ASPH: variants seen among roughly 807,000 people sequenced by gnomAD.
ASPH encodes aspartyl/asparaginyl beta-hydroxylase.
Under a neutral mutation model 118.4 loss-of-function variants are expected in ASPH, and 100 were observed. The ratio of observed to expected loss-of-function variants is 0.84; its 90% CI spans 0.72 to 1.00. The LOEUF is 1.00. Among genes scored for constraint, ASPH ranks in the 50% least tolerant of loss-of-function variants. ASPH has a pLI of 0.00. For synonymous variants in ASPH, 315 were observed against 325.6 expected (o/e 0.97, Z 0.35); for missense variants, 920 against 919.5 (o/e 1.00, Z -0.01).
chr8:61,642,845 CAAAAAAAAAAAGAAA>C (rs753504802), intron 10 of ASPH, 28 bp downstream of exon 10: 107 of 873,880 alleles, frequency 1.2e-4, no homozygotes, highest in Middle Eastern at 1.2e-3. Flanking sequence ...AACTCCATCT[CAAAAAAAAAAAGAAA>C]AAAAAAAAAA....
chr8:61,567,256 G>C lies in ASPH; in HGVS notation c.1212C>G (p.Thr404=), dbSNP rs143442630. 1 of 1,613,992 alleles carries C rather than the reference G, an allele frequency of 6.2e-7. No homozygotes were observed. Among genetic ancestry groups the C allele is most frequent in the Non-Finnish European group, 8.5e-7 (1 of 1,180,026 alleles). The change falls in exon 17 of 25, where the codon ACC becomes ACG. Residue 404 remains threonine (T), a synonymous_variant. Coordinates refer to ENST00000379454, the MANE Select transcript of ASPH (RefSeq NM_004318.4). ...SNEVLRGAIE[T]YQEVASLPDV... ...CAGGTAGGCTGGCCACCTCTTGGTA[G>C]GTCTCGATGGCTCCACGTAGCACCT...
chr8:61,502,827 TAAG>T lies in ASPH; in HGVS notation c.*529_*531del, dbSNP rs1805171760. 6.6e-6 allele frequency: 1 copy of T among 152,346 alleles called. No individual in the cohort carries two copies. The highest frequency in any genetic ancestry group is 6.5e-5 in the Admixed American group (1 of 15,300). 9.4% of individuals were successfully genotyped at this position (152,346 alleles called of 1,614,324 possible). A position where few individuals can be genotyped will look rare whatever the true frequency, so the allele number is the denominator to read the frequency against. ...TGCTTTTTTCATGAGTATCTTTTAC[TAAG>T]AAGAATTAAAAGAGGGAAGTCTGAG... On this transcript the variant is annotated 3_prime_UTR_variant, in exon 25 of 25. Transcript: ENST00000379454.
At chr8:61,526,814 C>T (rs978910309) in intron 21 of ASPH, among the ~76,000 whole-genome samples, 1 of 151,904 alleles carries the variant, frequency 6.6e-6, no homozygotes, top group African/African-American at 2.4e-5. Flanking sequence ...CAATCTGCAC[C>T]ATCACACTGG....
chr8:61,509,311 C>T (rs1292751667), intron 24 of ASPH, among the ~76,000 whole-genome samples: 1 of 152,202 alleles, frequency 6.6e-6, no homozygotes, highest in Non-Finnish European at 1.5e-5. Context: ...ATGGCTACTC[C>T]ATAGGCTGCT....
At chr8:61,705,901 A>C (rs1178546700) in intron 1 of ASPH, among the ~76,000 whole-genome samples, 1 of 152,260 alleles carries the variant, frequency 6.6e-6, no homozygotes, top group Non-Finnish European at 1.5e-5. Flanking sequence ...TGACTAATAG[A>C]CATGACAAAG....
chr8:61,626,076 A>C, intron 13 of ASPH: 2 of 1,243,672 alleles, frequency 1.6e-6, no homozygotes, highest in Non-Finnish European at 2.0e-6. Context: ...ACATTTTTAG[A>C]AATGTGTGTT....
chr8:61,668,952 C>A (rs1292528213), intron 3 of ASPH, among the ~76,000 whole-genome samples: 1 of 152,176 alleles, frequency 6.6e-6, no homozygotes, highest in East Asian at 1.9e-4. Flanking sequence ...TACTTAGCAT[C>A]CCAATGAACT....
chr8:61,676,093 C>T, intron 3 of ASPH: 1 of 1,599,326 alleles, frequency 6.3e-7, no homozygotes, highest in Non-Finnish European at 8.5e-7. Flanking sequence ...TATGTAAATC[C>T]AATATGACAC....
chr8:61,539,697 G>GA (rs1554618334), intron 21 of ASPH, among the ~76,000 whole-genome samples: 1 of 20,886 alleles, frequency 4.8e-5, no homozygotes, highest in African/African-American at 1.0e-4. Context: ...TAACACTTCT[G>GA]GGGTGTGTGT....
chr8:61,700,069 G>T (rs948228453), intron 1 of ASPH, among the ~76,000 whole-genome samples: 1 of 152,322 alleles, frequency 6.6e-6, no homozygotes, highest in East Asian at 1.9e-4. Flanking sequence ...GACACACAAT[G>T]GGCTCCCAAG....
chr8:61,679,664 A>G (rs1172897902), intron 3 of ASPH, among the ~76,000 whole-genome samples: 2 of 151,994 alleles, frequency 1.3e-5, no homozygotes, highest in African/African-American at 4.8e-5. Context: ...TTAAAATAAA[A>G]AGCTTTGCTA....
At chr8:61,702,015 A>C (rs1428751109) in intron 1 of ASPH, among the ~76,000 whole-genome samples, 1 of 152,232 alleles carries the variant, frequency 6.6e-6, no homozygotes, top group Non-Finnish European at 1.5e-5. Flanking sequence ...GTTTACAAGA[A>C]GCACTAAAAC....
At chr8:61,567,966 T>G (rs1264028110) in intron 16 of ASPH, among the ~76,000 whole-genome samples, 1 of 151,542 alleles carries the variant, frequency 6.6e-6, no homozygotes, top group African/African-American at 2.4e-5. Context: ...CCTTGGGGAG[T>G]AGCATTCTAG....
At chr8:61,642,366 A>G (rs141978166) in intron 10 of ASPH, among the ~76,000 whole-genome samples, 150 of 152,356 alleles carry the variant, frequency 9.8e-4, no homozygotes, top group African/African-American at 3.5e-3. Flanking sequence ...CTGCCTCCTA[A>G]GGCAACTTGT....
chr8:61,706,090 C>A (rs2151900642), intron 1 of ASPH, among the ~76,000 whole-genome samples: 1 of 152,108 alleles, frequency 6.6e-6, no homozygotes, highest in South Asian at 2.1e-4. Flanking sequence ...ATGTATATGA[C>A]TTTCAAATAA....
chr8:61,695,055 T>C (rs1263074014), intron 1 of ASPH, among the ~76,000 whole-genome samples: 1 of 152,212 alleles, frequency 6.6e-6, no homozygotes, highest in East Asian at 1.9e-4. Flanking sequence ...AGCACCTGGG[T>C]CACCCTTGTC....
At chr8:61,672,948 A>G (rs542859852) in intron 3 of ASPH, among the ~76,000 whole-genome samples, 8 of 152,216 alleles carry the variant, frequency 5.3e-5, no homozygotes, top group Non-Finnish European at 1.2e-4. Flanking sequence ...TGGAGCATCA[A>G]TTCCCAAAAA....
At chr8:61,585,802 G>T (rs1034346816) in intron 14 of ASPH, among the ~76,000 whole-genome samples, 11 of 152,134 alleles carry the variant, frequency 7.2e-5, no homozygotes, top group African/African-American at 2.7e-4. Context: ...GTTAAGCATC[G>T]ATGGCAGGGG....
chr8:61,661,910 T>C (rs1007017164), intron 3 of ASPH: 15 of 459,748 alleles, frequency 3.3e-5, no homozygotes, highest in African/African-American at 2.2e-4. Context: ...CGATCATCTA[T>C]ATACAATGCA....
Sources: gnomAD v4.1 joint callset for allele counts (sites outside exome capture counted in the v4.1 genomes callset) on GRCh38, gnomAD v4.1.1 for gene constraint, MANE v1.5 for transcripts, NCBI Gene and HGNC (gene_info 2026-07-23, HGNC 2026-07-21) for gene names.